Variants in ESR1 observed in about 807,000 individuals in gnomAD.
ESR1 encodes the protein estrogen receptor.
In ESR1, 12 loss-of-function variants were observed where a neutral mutation model predicts 52.7. The ratio of observed to expected loss-of-function variants is 0.23; its 90% CI spans 0.15 to 0.37. The LOEUF is 0.37. ESR1 is among the 10% of genes least tolerant of loss of function. The pLI, the probability that ESR1 is intolerant of heterozygous loss-of-function variation, is 1.00. For synonymous variants in ESR1, 305 were observed against 316.8 expected, an observed-to-expected ratio of 0.96 and a Z score of 0.39; for missense variants, 584 against 779.7, an observed-to-expected ratio of 0.75 and a Z score of 2.99.
intron 5 of ESR1, among the ~76,000 whole-genome samples, chr6:152,018,116 A>G (rs1461033593): frequency 6.6e-6 from 1 of 152,144 alleles, no homozygotes; most frequent in East Asian, 1.9e-4. Context: ...TGTAGGCATA[A>G]AATAGGTATA....
rs140642977 is a variant in ESR1 at position 151,702,189 on chromosome 6, AG to A, written c.-71+186del. On this transcript the variant is annotated intron_variant, in intron 2 of 2. Coordinates refer to the ESR1 transcript ENST00000404742. ...GATGGGCACTCTACATGCGTTGCTT[AG>A]GTTGAAATTAAGGATACAATCTGTG... Among the ~76,000 whole-genome samples the A allele has an allele frequency of 7.1e-3, 1,083 of 152,320 alleles. 12 individuals are homozygous for A. Among genetic ancestry groups the A allele is most frequent in the African/African-American group, 0.024 (1,015 of 41,554 alleles).
At chr6:151,958,360 C>T (rs554269632) in intron 4 of ESR1, among the ~76,000 whole-genome samples, 2 of 152,298 alleles carry the variant, frequency 1.3e-5, no homozygotes, top group South Asian at 2.1e-4. Context: ...ATCTTCACAA[C>T]ATCCCTATGA....
chr6:151,660,230 G>A (rs1212558747), intron 1 of ESR1, among the ~76,000 whole-genome samples: 4 of 152,316 alleles, frequency 2.6e-5, no homozygotes, highest in Admixed American at 2.0e-4. Context: ...GAGTTTGGGC[G>A]ATGGGAAAAG....
At chr6:151,841,237 A>G (rs1784232203) in intron 1 of ESR1, among the ~76,000 whole-genome samples, 1 of 152,012 alleles carries the variant, frequency 6.6e-6, no homozygotes, top group South Asian at 2.1e-4. Context: ...TAAAAAATTC[A>G]TTTTCTTGGG....
intron 6 of ESR1, among the ~76,000 whole-genome samples, chr6:152,070,638 C>T (rs990428050): frequency 1.4e-5 from 2 of 138,414 alleles, no homozygotes; most frequent in Admixed American, 6.7e-5. Context: ...ATGGCCCCAT[C>T]GCTCCCTCCA....
At chr6:151,963,472 T>C (rs2037906176) in intron 4 of ESR1, among the ~76,000 whole-genome samples, 1 of 152,210 alleles carries the variant, frequency 6.6e-6, no homozygotes, top group Admixed American at 6.5e-5. Context: ...AGATTATCTT[T>C]CTCAAGAAAA....
chr6:151,873,897 G>A (rs1051388141), intron 2 of ESR1, among the ~76,000 whole-genome samples: 1 of 152,204 alleles, frequency 6.6e-6, no homozygotes, highest in African/African-American at 2.4e-5. Context: ...TATTCGATGA[G>A]TGCCTTTAAT....
intron 1 of ESR1, among the ~76,000 whole-genome samples, chr6:151,834,056 T>C (rs1389706869): frequency 1.3e-5 from 2 of 152,164 alleles, no homozygotes; most frequent in East Asian, 1.9e-4. Context: ...CAACAGATGC[T>C]GGAGAGGATG....
chr6:152,110,925 G>T (rs1309098667), intron 6 of ESR1, among the ~76,000 whole-genome samples: 6 of 152,148 alleles, frequency 3.9e-5, no homozygotes, highest in East Asian at 1.9e-4. Context: ...GCACCTGGGG[G>T]TGCCAGTGCT....
At chr6:151,908,229 T>G (rs1449976280) in intron 3 of ESR1, among the ~76,000 whole-genome samples, 1 of 152,232 alleles carries the variant, frequency 6.6e-6, no homozygotes, top group Non-Finnish European at 1.5e-5. Context: ...GAAATCTTTC[T>G]TCACGGAAAT....
intron 1 of ESR1, among the ~76,000 whole-genome samples, chr6:151,658,342 T>C (rs531961792): frequency 5.5e-4 from 84 of 152,376 alleles, no homozygotes; most frequent in Non-Finnish European, 9.1e-4. Context: ...AAAGTACTTA[T>C]TGATTCTGAA....
At chr6:151,816,068 A>G (rs909916591) in intron 1 of ESR1, among the ~76,000 whole-genome samples, 5 of 152,192 alleles carry the variant, frequency 3.3e-5, no homozygotes, top group African/African-American at 7.2e-5. Context: ...CATGAGTTCA[A>G]TGATGGTGAA....
chr6:151,847,342 CT>C (rs1235682570), intron 2 of ESR1, among the ~76,000 whole-genome samples: 2 of 152,218 alleles, frequency 1.3e-5, no homozygotes, highest in Non-Finnish European at 2.9e-5. Context: ...CTGGCTTCAT[CT>C]GCTTTGTAGA....
At chr6:151,717,500 A>G (rs1419527593) in intron 2 of ESR1, among the ~76,000 whole-genome samples, 1 of 152,230 alleles carries the variant, frequency 6.6e-6, no homozygotes, top group African/African-American at 2.4e-5. Context: ...AGTACATGAT[A>G]TATTTCTACA....
At chr6:151,849,381 C>T (rs779451064) in intron 2 of ESR1, among the ~76,000 whole-genome samples, 3 of 152,274 alleles carry the variant, frequency 2.0e-5, no homozygotes, top group African/African-American at 7.2e-5. Flanking sequence ...TGTGGTGGCT[C>T]ATGCCTATAA....
At chr6:152,022,412 C>T (rs1033433964) in intron 5 of ESR1, among the ~76,000 whole-genome samples, 1 of 152,062 alleles carries the variant, frequency 6.6e-6, no homozygotes, top group African/African-American at 2.4e-5. Context: ...AAGGTTATTC[C>T]AGGCAGAAAT....
chr6:151,885,148 T>C (rs1039850479), intron 3 of ESR1, among the ~76,000 whole-genome samples: 1 of 152,182 alleles, frequency 6.6e-6, no homozygotes, highest in Non-Finnish European at 1.5e-5. Context: ...TAGTTATTTG[T>C]GTAGGGCTTC....
At chr6:152,063,430 C>T (rs1304926310) in intron 6 of ESR1, among the ~76,000 whole-genome samples, 1 of 152,142 alleles carries the variant, frequency 6.6e-6, no homozygotes, top group Non-Finnish European at 1.5e-5. Flanking sequence ...CACTCTTTTC[C>T]CTACAAAAGT....
At chr6:152,087,552 C>G (rs2049835854) in intron 6 of ESR1, among the ~76,000 whole-genome samples, 1 of 152,140 alleles carries the variant, frequency 6.6e-6, no homozygotes, top group African/African-American at 2.4e-5. Context: ...TATGTGGTCA[C>G]TCAGGGACTC....
Sources: allele counts gnomAD v4.1 joint callset (sites outside exome capture counted in the v4.1 genomes callset), GRCh38; gene constraint gnomAD v4.1.1; transcripts MANE v1.5; gene names NCBI Gene and HGNC (gene_info 2026-07-23, HGNC 2026-07-21).